The following HTR2A variants were observed in gnomAD, a reference collection of about 807,000 sequenced individuals.
HTR2A encodes the protein 5-hydroxytryptamine receptor 2A.
A neutral mutation model predicts 31.0 loss-of-function variants in HTR2A; 14 were observed. The observed-to-expected ratio is 0.45, with a 90% CI of 0.30 to 0.71. HTR2A has a LOEUF of 0.71. Ranked by LOEUF, HTR2A falls within the 30% of genes least tolerant of loss-of-function variation. HTR2A has a pLI of 0.09. For missense variants in HTR2A, 442 were observed against 573.3 expected (o/e 0.77, Z 2.34); for synonymous variants, 209 against 225.2 (o/e 0.93, Z 0.64).
chr13:46,854,837 C>T (rs757423377), intron 3 of HTR2A, among the ~76,000 whole-genome samples: 1 of 152,154 alleles, frequency 6.6e-6, no homozygotes, highest in East Asian at 1.9e-4. Context: ...TCAAATGATC[C>T]CCAGTAGCTG....
rs929194820 is a variant in HTR2A, at chr13:46,860,080, A to C, written c.614-24441T>G. Reference sequence around the variant, plus strand: ...TCCCCCAGCCCTTACTCATTCTTCTATTTGCCCTTTTCGAGGAATTCTCAG... The same window carrying C: ...TCCCCCAGCCCTTACTCATTCTTCTCTTTGCCCTTTTCGAGGAATTCTCAG... On this transcript the variant is annotated intron_variant, in intron 3 of 3. Transcript: ENST00000542664. Among the ~76,000 whole-genome samples the C allele has an allele frequency of 3.3e-5, 5 of 151,966 alleles. No homozygotes were observed. The South Asian group carries it at 1.0e-3, about 32-fold the overall frequency.
rs1566299399 is a variant in HTR2A, at chr13:46,839,005, CACA to C, written c.614-3369_614-3367del. ...ACACACACACACACACACACACACA[CACA>C]CCCTTACAGAATAGCCCAGTTTCTG... On this transcript the variant is annotated intron_variant, in intron 3 of 3. Transcript: ENST00000542664. 9.3e-3 allele frequency among the ~76,000 whole-genome samples: 1,409 copies of C among 151,568 alleles called. 18 individuals carry two copies. Among genetic ancestry groups the C allele is most frequent in the African/African-American group, 0.031 (1,288 of 41,386 alleles).
intron 3 of HTR2A, among the ~76,000 whole-genome samples, chr13:46,862,905 T>G (rs1254687828): frequency 6.6e-6 from 1 of 152,386 alleles, no homozygotes; most frequent in East Asian, 1.9e-4. Context: ...GTCATTTCTG[T>G]GTAAATGACT....
intron 3 of HTR2A, among the ~76,000 whole-genome samples, chr13:46,870,052 T>A (rs893105119): frequency 6.6e-6 from 1 of 152,166 alleles, no homozygotes; most frequent in African/African-American, 2.4e-5. Context: ...AATGGCAAAT[T>A]CTCTATTATA....
intron 3 of HTR2A, among the ~76,000 whole-genome samples, chr13:46,851,516 G>C (rs993472599): frequency 6.6e-6 from 1 of 152,162 alleles, no homozygotes; most frequent in Non-Finnish European, 1.5e-5. Context: ...CAGACCAAAA[G>C]AACACTTTCG....
chr13:46,870,568 T>G (rs550381097), intron 3 of HTR2A, among the ~76,000 whole-genome samples: 1 of 152,346 alleles, frequency 6.6e-6, no homozygotes, highest in South Asian at 2.1e-4. Flanking sequence ...GTTGCTTTAT[T>G]GTTAATTCAG....
chr13:46,832,448 T>C lies in HTR2A; in HGVS notation c.*2389A>G, dbSNP rs1206675199. 3 of 152,228 alleles carry C rather than the reference T, an allele frequency of 2.0e-5. No homozygotes were observed. The highest frequency in any genetic ancestry group is 4.8e-5 in the African/African-American group (2 of 41,476). The allele number at this position is 152,228 out of a possible 1,614,324, so 9.4% of individuals were successfully genotyped here. A position where few individuals can be genotyped will look rare whatever the true frequency, so the allele number is the denominator to read the frequency against. On this transcript the variant is annotated 3_prime_UTR_variant, in exon 4 of 4. Coordinates refer to ENST00000542664, the MANE Select transcript of HTR2A (RefSeq NM_000621.5). The stretch of plus-strand genomic sequence containing the variant: ...GAAGAAAAAAACACATACACATTTG[T>C]AATATATAGGTAGTCAAAAGACATC...
chr13:46,853,563 C>G (rs983027260), intron 3 of HTR2A, among the ~76,000 whole-genome samples: 1 of 152,152 alleles, frequency 6.6e-6, no homozygotes, highest in Non-Finnish European at 1.5e-5. Context: ...TTAAACCTCC[C>G]CAGATGATTC....
At chr13:46,897,427 C>T (rs367759592), upstream of HTR2A, among the ~76,000 whole-genome samples, 3 of 152,140 alleles carry the variant, frequency 2.0e-5, no homozygotes, top group South Asian at 4.1e-4. Context: ...TGGCTAGGCA[C>T]GTCTGTGGTG....
chr13:46,855,445 C>T (rs1468722384), intron 3 of HTR2A, among the ~76,000 whole-genome samples: 2 of 152,190 alleles, frequency 1.3e-5, no homozygotes, highest in East Asian at 1.9e-4. Flanking sequence ...ATAAATCAAT[C>T]TCACTGGGTA....
rs867555402 is a variant in HTR2A, at chr13:46,833,072, T to G, written c.*1765A>C. ...TGAAATGAGTGAGTTTTTGGAGAAA[T>G]AGAAGAAAAATTTTGCTCAAAACTA... is the stretch of plus-strand genomic sequence containing the variant. On this transcript the variant is annotated 3_prime_UTR_variant, in exon 4 of 4. Coordinates refer to ENST00000542664, the MANE Select transcript of HTR2A (RefSeq NM_000621.5). 1 of 152,086 alleles carries G rather than the reference T, an allele frequency of 6.6e-6. No individual in the cohort carries two copies. Among genetic ancestry groups the G allele is most frequent in the Non-Finnish European group, 1.5e-5 (1 of 68,002 alleles). The allele number at this position is 152,086 out of a possible 1,614,324, so 9.4% of individuals were successfully genotyped here. A position where few individuals can be genotyped will look rare whatever the true frequency, so the allele number is the denominator to read the frequency against.
At chr13:46,857,844 C>A (rs369560618) in intron 3 of HTR2A, among the ~76,000 whole-genome samples, 2 of 152,116 alleles carry the variant, frequency 1.3e-5, no homozygotes, top group African/African-American at 4.8e-5. Flanking sequence ...AAGGGCCTTG[C>A]AAGCCATATG....
intron 3 of HTR2A, among the ~76,000 whole-genome samples, chr13:46,881,238 G>A (rs1950960066): frequency 6.6e-6 from 1 of 152,322 alleles, no homozygotes; most frequent in East Asian, 1.9e-4. Context: ...TGCACTCAGG[G>A]ACAAGAGAAG....
At chr13:46,869,985 G>A (rs1413409286) in intron 3 of HTR2A, among the ~76,000 whole-genome samples, 4 of 152,216 alleles carry the variant, frequency 2.6e-5, no homozygotes, top group African/African-American at 9.6e-5. Context: ...GGTGATGGTA[G>A]CACAAGATTG....
Position 46,835,502 on chromosome 13 carries a change from C to A in HTR2A, c.751G>T (p.Val251Leu). The change falls in exon 4 of 4, where the codon GTG (valine) becomes TTG (leucine). Residue 251 changes from valine to leucine, a missense_variant. Transcript: ENST00000542664. ...VSFFIPLTIM[V>L]ITYFLTIKSL... ...TTGATAGTTAGAAAGTAGGTGATCA[C>A]CATGATGGTTAAGGGAATGAAAAAT... is the stretch of plus-strand genomic sequence containing the variant. 1 of 1,613,972 alleles carries A rather than the reference C, an allele frequency of 6.2e-7. No homozygotes were observed. Among genetic ancestry groups the A allele is most frequent in the East Asian group, 2.2e-5 (1 of 44,878 alleles).
intron 3 of HTR2A, among the ~76,000 whole-genome samples, chr13:46,861,998 G>A (rs957481304): frequency 6.6e-6 from 1 of 152,196 alleles, no homozygotes; most frequent in African/African-American, 2.4e-5. Context: ...AATAGATTCT[G>A]TCTTGCTATT....
At chr13:46,872,398 T>A (rs927868366) in intron 3 of HTR2A, among the ~76,000 whole-genome samples, 2 of 152,218 alleles carry the variant, frequency 1.3e-5, no homozygotes, top group African/African-American at 4.8e-5. Flanking sequence ...AAAGGATATA[T>A]GAAAACATTA....
chr13:46,850,912 A>G (rs541364296), intron 3 of HTR2A, among the ~76,000 whole-genome samples: 4 of 152,128 alleles, frequency 2.6e-5, no homozygotes, highest in Non-Finnish European at 5.9e-5. Flanking sequence ...TTTTCTTTCC[A>G]TGGTTCCCAG....
chr13:46,857,428 C>T (rs1359246263), intron 3 of HTR2A, among the ~76,000 whole-genome samples: 1 of 152,142 alleles, frequency 6.6e-6, no homozygotes, highest in Non-Finnish European at 1.5e-5. Flanking sequence ...TCACTGCATC[C>T]TCACAGGATG....
Sources: gnomAD v4.1 joint callset for allele counts (sites outside exome capture counted in the v4.1 genomes callset) on GRCh38, gnomAD v4.1.1 for gene constraint, MANE v1.5 for transcripts, NCBI Gene and HGNC (gene_info 2026-07-23, HGNC 2026-07-21) for gene names.